The following ARPC1B variants were observed in gnomAD, a reference collection of about 807,000 sequenced individuals.
ARPC1B encodes actin-related protein 2/3 complex subunit 1B.
Under a neutral mutation model 46.0 loss-of-function variants are expected in ARPC1B, and 29 were observed. The observed-to-expected ratio is 0.63, with a 90% CI of 0.47 to 0.86. The LOEUF (loss-of-function observed/expected upper bound fraction) is 0.86, where lower values mean the gene tolerates loss of function less well. Ranked by LOEUF, ARPC1B falls within the 40% of genes least tolerant of loss-of-function variation. The probability of loss-of-function intolerance (pLI) is 0.00; values close to 1 mark genes in which losing one functional copy is unlikely to be tolerated. For missense variants in ARPC1B, 469 were observed against 529.4 expected, an observed-to-expected ratio of 0.89 and a Z score of 1.12; for synonymous variants, 201 against 213.9, an observed-to-expected ratio of 0.94 and a Z score of 0.53.
In ARPC1B at chr7:99,394,021, C is replaced by A; in HGVS notation, c.990-8C>A. Reference sequence around the variant, plus strand: ...GTTGAATTCATAAGCTCCTCTTCCTCTTTGCAGCCAGATCTCGGTGCTCAG... The same window carrying A: ...GTTGAATTCATAAGCTCCTCTTCCTATTTGCAGCCAGATCTCGGTGCTCAG... On this transcript the variant is annotated splice_region_variant and splice_polypyrimidine_tract_variant and intron_variant, in intron 8 of 9. Transcript: ENST00000646101. 6.2e-7 allele frequency: 1 copy of A among 1,612,396 alleles called. No individual in the cohort carries two copies. The highest frequency in any genetic ancestry group is 8.5e-7 in the Non-Finnish European group (1 of 1,179,998).
intron 1 of ARPC1B, among the ~76,000 whole-genome samples, chr7:99,379,348 G>A (rs1292124726): frequency 6.6e-6 from 1 of 152,170 alleles, no homozygotes; most frequent in Admixed American, 6.6e-5. Context: ...GAGCTGGAGA[G>A]GGAAGGATAG....
At chr7:99,385,305 T>TG (rs3052177) in intron 1 of ARPC1B, among the ~76,000 whole-genome samples, 2,098 of 61,520 alleles carry the variant, frequency 0.034, 49 homozygotes, top group South Asian at 0.058. Flanking sequence ...GGAAGTTGGG[T>TG]GGGGGGGGGG....
chr7:99,379,180 A>G (rs751953788), intron 1 of ARPC1B, among the ~76,000 whole-genome samples: 6 of 152,236 alleles, frequency 3.9e-5, no homozygotes, highest in Non-Finnish European at 7.3e-5. Flanking sequence ...TAAACCAATT[A>G]GCAACAAATG....
At chr7:99,376,861 ACT>A (rs776504662) in intron 1 of ARPC1B, among the ~76,000 whole-genome samples, 50 of 142,768 alleles carry the variant, frequency 3.5e-4, no homozygotes, top group Non-Finnish European at 6.5e-4. Flanking sequence ...ACAAAGCGAG[ACT>A]CTGTCTCCAA....
At chr7:99,377,963 C>T (rs888658793) in intron 1 of ARPC1B, among the ~76,000 whole-genome samples, 3 of 152,068 alleles carry the variant, frequency 2.0e-5, no homozygotes, top group African/African-American at 7.2e-5. Context: ...TTAATAATTA[C>T]GTAGCATCTC....
chr7:99,379,910 G>T (rs1794160935), intron 1 of ARPC1B, among the ~76,000 whole-genome samples: 1 of 151,888 alleles, frequency 6.6e-6, no homozygotes, highest in Non-Finnish European at 1.5e-5. Context: ...CTCCGAAAGT[G>T]CTGGGATTAC....
At chr7:99,375,125 C>G (rs1363421643) in intron 1 of ARPC1B, among the ~76,000 whole-genome samples, 1 of 152,098 alleles carries the variant, frequency 6.6e-6, no homozygotes, top group Non-Finnish European at 1.5e-5. Context: ...TCGGGGCGTC[C>G]CCAGCCCCCG....
At chr7:99,384,784 C>A (rs906356374) in intron 1 of ARPC1B, among the ~76,000 whole-genome samples, 1 of 151,956 alleles carries the variant, frequency 6.6e-6, no homozygotes. Flanking sequence ...GGGGGAAGAC[C>A]AGGGCTCTGG....
chr7:99,374,353 G>T (rs2150881959), upstream of ARPC1B: 1 of 152,236 alleles, frequency 6.6e-6, no homozygotes, highest in East Asian at 1.9e-4. This position sits in a 1 kb window ranked among gnomAD's most constrained non-coding sequence, Gnocchi z 5.0. Flanking sequence ...GCGTGTGAGC[G>T]CGGAGCCCGC....
At chr7:99,392,543 C>T in intron 7 of ARPC1B, 128 bp from the exon 8 acceptor site, 1 of 846,268 alleles carries the variant, frequency 1.2e-6, no homozygotes, top group South Asian at 1.9e-5. Context: ...TTCGGGCCTC[C>T]CTCGCTGTGG....
intron 1 of ARPC1B, among the ~76,000 whole-genome samples, chr7:99,375,553 T>C (rs982607886): frequency 9.8e-5 from 14 of 143,290 alleles, no homozygotes; most frequent in Non-Finnish European, 1.3e-4. Context: ...CCGCGGGCAG[T>C]GAAGGGATCA....
chr7:99,386,245 T>C (rs1794386642), intron 2 of ARPC1B: 2 of 357,562 alleles, frequency 5.6e-6, no homozygotes, highest in Admixed American at 3.9e-5. Flanking sequence ...AGCGAGACTC[T>C]GTCTCAAAAA....
intron 1 of ARPC1B, among the ~76,000 whole-genome samples, chr7:99,378,569 C>T (rs867688866): frequency 3.0e-4 from 46 of 150,946 alleles, no homozygotes; most frequent in African/African-American, 1.0e-3. Context: ...TGTAGTTCCA[C>T]CTACTGGGGA....
rs768040148 is a variant in ARPC1B at position 99,394,095 on chromosome 7, C to T, written c.1056C>T (p.Gly352=). The stretch of plus-strand genomic sequence containing the variant: ...AGTTCTGCACCACTGGCATGGATGG[C>T]GGCATGAGTATCTGGGATGTGAAGG... The part of the protein sequence containing the change: ...CSQFCTTGMD[G]GMSIWDVKSL... The change falls in exon 9 of 10, where the codon GGC becomes GGT. Residue 352 remains glycine, a synonymous_variant. Coordinates refer to ENST00000646101, the MANE Select transcript of ARPC1B (RefSeq NM_005720.4). The T allele has an allele frequency of 1.2e-5, 20 of 1,613,506 alleles. No individual in the cohort carries two copies. In the African/African-American group the frequency reaches 1.7e-4, roughly 14 times the overall value.
At position 99,388,148 on chromosome 7, in the gene ARPC1B, G is replaced by A; in HGVS notation, c.279G>A (p.Leu93=). The stretch of plus-strand genomic sequence containing the variant: ...CATGGAAGCCCACGCTGGTCATCCT[G>A]CGGATCAACCGGGCTGCCCGCTGCG... ...GRTWKPTLVI[L]RINRAARCVR... The change falls in exon 4 of 10, where the codon CTG becomes CTA. Residue 93 remains leucine, a synonymous_variant. Transcript: ENST00000646101. 1 of 1,614,244 alleles carries A rather than the reference G, an allele frequency of 6.2e-7. No homozygotes were observed. Among genetic ancestry groups the A allele is most frequent in the South Asian group, 1.1e-5 (1 of 91,084 alleles).
intron 4 of ARPC1B, 112 bp from the exon 5 acceptor site, chr7:99,389,792 TG>T: frequency 1.1e-6 from 1 of 916,370 alleles, no homozygotes; most frequent in Non-Finnish European, 1.7e-6. Context: ...GCCTCTCTCC[TG>T]GGTCTTTGGT....
chr7:99,379,903 C>T (rs1794160370), intron 1 of ARPC1B, among the ~76,000 whole-genome samples: 2 of 151,964 alleles, frequency 1.3e-5, no homozygotes, highest in Admixed American at 6.6e-5. Flanking sequence ...CCTCGGCCTC[C>T]GAAAGTGCTG....
intron 3 of ARPC1B, 59 bp downstream of exon 3, chr7:99,386,848 T>C: frequency 1.5e-6 from 2 of 1,349,282 alleles, no homozygotes; most frequent in East Asian, 2.3e-5. Context: ...GGGGGGGTGG[T>C]GCAAGGCAGG....
At chr7:99,377,248 C>G (rs1794052879) in intron 1 of ARPC1B, 1 of 152,060 alleles carries the variant, frequency 6.6e-6, no homozygotes, top group Admixed American at 6.6e-5. Flanking sequence ...ATCCTCCTGC[C>G]TTGGCCTCCC....
Sources: gnomAD v4.1 joint callset for allele counts (sites outside exome capture counted in the v4.1 genomes callset) on GRCh38, gnomAD v4.1.1 for gene constraint, Gnocchi (gnomAD v3.1) non-coding constraint, MANE v1.5 for transcripts, NCBI Gene and HGNC (gene_info 2026-07-23, HGNC 2026-07-21) for gene names.